The following DPY19L2 variants were observed in gnomAD, a reference collection of about 807,000 sequenced individuals.
DPY19L2 encodes probable C-mannosyltransferase DPY19L2.
A neutral mutation model predicts 97.9 loss-of-function variants in DPY19L2; 34 were observed. The observed-to-expected ratio is 0.35, with a 90% CI of 0.26 to 0.46. DPY19L2 has a LOEUF of 0.46. Among genes scored for constraint, DPY19L2 ranks in the 20% least tolerant of loss-of-function variants. The pLI is 1.00. For synonymous variants in DPY19L2, 230 were observed against 307.9 expected (o/e 0.75, Z 2.65); for missense variants, 623 against 911.4 (o/e 0.68, Z 4.07).
At position 63,579,412 on chromosome 12, in the gene DPY19L2, T is replaced by C. The variant is rs1210251277; in HGVS notation, c.1900+1250A>G. Among the ~76,000 whole-genome samples the C allele has an allele frequency of 3.3e-5, 5 of 152,252 alleles. No individual in the cohort carries two copies. The East Asian group carries it at 9.7e-4, about 29-fold the overall frequency. On this transcript the variant is annotated intron_variant, in intron 19 of 21. Coordinates refer to ENST00000324472, the MANE Select transcript of DPY19L2 (RefSeq NM_173812.5). ...TACAGCTTTTAATATGTGGTAACCA[T>C]GAGATAACTCATAATAAGGGTAGTT...
intron 16 of DPY19L2, among the ~76,000 whole-genome samples, chr12:63,592,591 G>A (rs1407374897): frequency 1.3e-5 from 2 of 149,220 alleles, no homozygotes; most frequent in Admixed American, 6.7e-5. Flanking sequence ...GCCATATGTA[G>A]AAAGCTGAAA....
intron 6 of DPY19L2, among the ~76,000 whole-genome samples, chr12:63,633,384 C>T (rs1891068260): frequency 6.6e-6 from 1 of 152,036 alleles, no homozygotes; most frequent in East Asian, 1.9e-4. Flanking sequence ...ACAAACAACC[C>T]CATCAAAAAG....
rs1174525065 is a variant in DPY19L2 at position 63,559,857 on chromosome 12, C to T, written c.*655G>A. 1 of 151,898 alleles carries T rather than the reference C, an allele frequency of 6.6e-6. No individual in the cohort carries two copies. 9.4% of individuals were successfully genotyped at this position (151,898 alleles called of 1,614,324 possible). On this transcript the variant is annotated 3_prime_UTR_variant, in exon 22 of 22. Coordinates refer to ENST00000324472, the MANE Select transcript of DPY19L2 (RefSeq NM_173812.5). ...CTCTTGAGCTTAGATGGAGAACTAA[C>T]CAGTGGCAAATATGTATCTAGTGGG...
At position 63,658,032 on chromosome 12, in the gene DPY19L2, T is replaced by A. The variant is rs149039635; in HGVS notation, c.588+3312A>T. On this transcript the variant is annotated intron_variant, in intron 4 of 21. Coordinates refer to ENST00000324472, the MANE Select transcript of DPY19L2 (RefSeq NM_173812.5). ...GAAGGGTTCAAGAAAAGGTGTTATA[T>A]TGCAGTTTGTCCGGCTATTTTCCTT... Among the ~76,000 whole-genome samples the A allele has an allele frequency of 5.9e-3, 895 of 152,270 alleles. 9 individuals are homozygous for A. The highest frequency in any genetic ancestry group is 0.02 in the African/African-American group (845 of 41,550).
chr12:63,607,185 A>T (rs1886183848), intron 12 of DPY19L2, among the ~76,000 whole-genome samples: 1 of 152,106 alleles, frequency 6.6e-6, no homozygotes, highest in Non-Finnish European at 1.5e-5. Flanking sequence ...TTGAAAATGA[A>T]GACAGTTAAT....
chr12:63,642,063 T>C (rs1324416715), intron 6 of DPY19L2, among the ~76,000 whole-genome samples: 3 of 152,144 alleles, frequency 2.0e-5, no homozygotes, highest in African/African-American at 4.8e-5. Context: ...CTGGGAAATA[T>C]CAGTTCATAA....
At chr12:63,666,521 AG>A (rs1896356001) in intron 1 of DPY19L2, 2 of 446,924 alleles carry the variant, frequency 4.5e-6, no homozygotes, top group African/African-American at 4.0e-5. Context: ...CTGCAAACGC[AG>A]CCTGTGCCCG....
intron 1 of DPY19L2, among the ~76,000 whole-genome samples, chr12:63,666,117 G>T (rs1419073912): frequency 6.6e-6 from 1 of 152,054 alleles, no homozygotes; most frequent in Admixed American, 6.5e-5. Flanking sequence ...CAGGTAATTG[G>T]TAAGAGTGAT....
intron 11 of DPY19L2, among the ~76,000 whole-genome samples, chr12:63,609,235 G>A (rs958493668): frequency 5.3e-5 from 8 of 152,040 alleles, no homozygotes; most frequent in Admixed American, 3.3e-4. Context: ...GGCTTGTATT[G>A]TAAGGGGAGG....
intron 21 of DPY19L2, among the ~76,000 whole-genome samples, chr12:63,565,619 G>C (rs1877516000): frequency 6.6e-6 from 1 of 152,080 alleles, no homozygotes; most frequent in Non-Finnish European, 1.5e-5. Flanking sequence ...CTGGGAATTA[G>C]GACATGGCCA....
chr12:63,635,320 A>C (rs1891457746), intron 6 of DPY19L2, among the ~76,000 whole-genome samples: 2 of 152,154 alleles, frequency 1.3e-5, no homozygotes, highest in African/African-American at 2.4e-5. Flanking sequence ...ATAAAACCAC[A>C]AAGATGGGGA....
chr12:63,629,140 ACT>A (rs1359411758), intron 6 of DPY19L2, among the ~76,000 whole-genome samples: 2 of 152,268 alleles, frequency 1.3e-5, no homozygotes, highest in East Asian at 1.9e-4. Context: ...AAAACTGGAA[ACT>A]CTAAAAATCA....
intron 6 of DPY19L2, among the ~76,000 whole-genome samples, chr12:63,635,579 GA>G (rs1275041225): frequency 1.3e-5 from 2 of 152,210 alleles, no homozygotes; most frequent in Admixed American, 6.5e-5. Flanking sequence ...AAACAGTGTA[GA>G]GAAGACCTTA....
At chr12:63,627,211 C>A (rs1011774731) in intron 6 of DPY19L2, among the ~76,000 whole-genome samples, 2 of 152,172 alleles carry the variant, frequency 1.3e-5, no homozygotes, top group Admixed American at 1.3e-4. Context: ...GAGATTCTAA[C>A]AGTTTCATGT....
At chr12:63,571,217 A>G (rs1878784084) in intron 19 of DPY19L2, among the ~76,000 whole-genome samples, 2 of 152,086 alleles carry the variant, frequency 1.3e-5, no homozygotes, top group Admixed American at 1.3e-4. Context: ...AGGTGGAACA[A>G]TGTCATCCAG....
In DPY19L2 at chr12:63,656,453, T is replaced by C. The variant is rs566928300; in HGVS notation, c.588+4891A>G. 2.0e-4 allele frequency among the ~76,000 whole-genome samples: 31 copies of C among 152,336 alleles called. No individual in the cohort carries two copies. In the Middle Eastern group the frequency reaches 0.014, roughly 67 times the overall value. ...GCTTTGTGAGATAGTCTCTGTCTCA[T>C]ACTCTTTAATGCGTTTACATTTACC... On this transcript the variant is annotated intron_variant, in intron 4 of 21. Coordinates refer to ENST00000324472, the MANE Select transcript of DPY19L2 (RefSeq NM_173812.5).
At chr12:63,664,503 C>T (rs1210657457) in intron 2 of DPY19L2, among the ~76,000 whole-genome samples, 1 of 152,018 alleles carries the variant, frequency 6.6e-6, no homozygotes, top group East Asian at 1.9e-4. Context: ...GGAAATACCT[C>T]CATAACTGTT....
intron 11 of DPY19L2, among the ~76,000 whole-genome samples, chr12:63,615,356 G>C (rs1370397410): frequency 6.6e-6 from 1 of 152,064 alleles, no homozygotes; most frequent in African/African-American, 2.4e-5. Context: ...AATCCCTAAT[G>C]AATTAACAGA....
At chr12:63,642,968 C>CAT (rs1892907977) in intron 6 of DPY19L2, among the ~76,000 whole-genome samples, 1 of 151,940 alleles carries the variant, frequency 6.6e-6, no homozygotes, top group Non-Finnish European at 1.5e-5. Context: ...CCATAGCTGT[C>CAT]ATATGTATCT....
Sources: allele counts gnomAD v4.1 joint callset (sites outside exome capture counted in the v4.1 genomes callset), GRCh38; gene constraint gnomAD v4.1.1; transcripts MANE v1.5; gene names NCBI Gene and HGNC (gene_info 2026-07-23, HGNC 2026-07-21).